Variants in CUBN observed in about 807,000 individuals in gnomAD.
CUBN encodes the protein 460 kDa receptor.
A neutral mutation model predicts 405.3 loss-of-function variants in CUBN; 282 were observed. The observed-to-expected ratio is 0.70, with a 90% CI of 0.63 to 0.77. The LOEUF (loss-of-function observed/expected upper bound fraction) is 0.77, where lower values mean the gene tolerates loss of function less well. Ranked by LOEUF, CUBN falls within the 30% of genes least tolerant of loss-of-function variation. CUBN has a pLI of 0.00. For missense variants in CUBN, 4,514 were observed against 4,475.2 expected (o/e 1.01, Z -0.25); for synonymous variants, 1,684 against 1,617.0 (o/e 1.04, Z -0.99).
chr10:17,114,259 A>C, intron 7 of CUBN, 70 bp from the exon 8 acceptor site: 1 of 1,479,926 alleles, frequency 6.8e-7, no homozygotes, highest in South Asian at 1.2e-5. Context: ...TGAACATTTC[A>C]TCAAGCCCCT....
intron 34 of CUBN, among the ~76,000 whole-genome samples, chr10:16,949,211 C>T (rs190218341): frequency 6.6e-6 from 1 of 152,158 alleles, no homozygotes; most frequent in Admixed American, 6.5e-5. Flanking sequence ...TACCCTTATC[C>T]TTGGTCAAAT....
chr10:17,029,907 G>A (rs1253288401), intron 27 of CUBN, among the ~76,000 whole-genome samples: 1 of 152,196 alleles, frequency 6.6e-6, no homozygotes, highest in Non-Finnish European at 1.5e-5. Context: ...GCCAATTGAT[G>A]TTAATTACAA....
At chr10:16,957,341 C>T (rs1335983266) in intron 31 of CUBN, among the ~76,000 whole-genome samples, 1 of 152,132 alleles carries the variant, frequency 6.6e-6, no homozygotes, top group East Asian at 1.9e-4. Flanking sequence ...CCTTCAGGCT[C>T]ATCCATGATG....
At position 17,019,875 on chromosome 10, in the gene CUBN, C is replaced by T; in HGVS notation, c.4126G>A (p.Gly1376Ser). Residue 1376 changes from glycine (G) to serine (S), a missense_variant, in exon 28 of 67, where the codon GGC (glycine) becomes AGC (serine). Transcript: ENST00000377833. ...LQVLLLTDGVGRREKGFQMQW... is the reference protein window; with the variant it reads ...LQVLLLTDGVSRREKGFQMQW... ...ATCTGAAATCCTTTCTCACGGCGGC[C>T]AACCCCATCTGTAAGGAGCAGCACT... is the stretch of plus-strand genomic sequence containing the variant. 1 of 1,614,138 alleles carries T rather than the reference C, an allele frequency of 6.2e-7. No homozygotes were observed.
At chr10:16,916,868 G>A (rs527791476) in intron 45 of CUBN, among the ~76,000 whole-genome samples, 50 of 146,972 alleles carry the variant, frequency 3.4e-4, no homozygotes, top group African/African-American at 1.1e-3. Flanking sequence ...AGCCTAGAGT[G>A]CAGTGGCGCA....
At chr10:16,979,269 A>G (rs1833193106) in intron 31 of CUBN, among the ~76,000 whole-genome samples, 1 of 152,258 alleles carries the variant, frequency 6.6e-6, no homozygotes, top group Non-Finnish European at 1.5e-5. Flanking sequence ...CATAATGTCC[A>G]AAGTAATTTA....
Position 16,901,323 on chromosome 10 carries a change from G to A in CUBN, c.8184+15C>T. ...TATTGTCTCAGAAGCATTTCACCCA[G>A]TCATTAGCACTCACAGTGATGGTGT... On this transcript the variant is annotated intron_variant, in intron 52 of 66. Coordinates refer to ENST00000377833, the MANE Select transcript of CUBN (RefSeq NM_001081.4). The A allele has an allele frequency of 6.2e-7, 1 of 1,614,082 alleles. No individual in the cohort carries two copies. Among genetic ancestry groups the A allele is most frequent in the Non-Finnish European group, 8.5e-7 (1 of 1,179,960 alleles).
intron 22 of CUBN, among the ~76,000 whole-genome samples, chr10:17,060,265 G>C (rs1835475880): frequency 6.6e-6 from 1 of 152,046 alleles, no homozygotes. Flanking sequence ...GGGATTACAG[G>C]CATGAGCCAC....
At chr10:16,921,679 A>G (rs1347412674) in intron 43 of CUBN, among the ~76,000 whole-genome samples, 1 of 152,144 alleles carries the variant, frequency 6.6e-6, no homozygotes, top group Non-Finnish European at 1.5e-5. Flanking sequence ...CCTTGGGCGC[A>G]TCTCTCCAGG....
intron 10 of CUBN, among the ~76,000 whole-genome samples, chr10:17,107,571 C>A (rs188687623): frequency 0.01 from 1,546 of 149,466 alleles, 24 homozygotes; most frequent in Non-Finnish European, 0.012. Flanking sequence ...GATCTCAGCT[C>A]ACTGTAAGCT....
intron 31 of CUBN, among the ~76,000 whole-genome samples, chr10:16,973,185 A>G (rs1400991591): frequency 1.3e-5 from 2 of 152,038 alleles, no homozygotes; most frequent in East Asian, 1.9e-4. Flanking sequence ...CTCATTTTTT[A>G]TTCCCAAATG....
intron 27 of CUBN, among the ~76,000 whole-genome samples, chr10:17,020,414 G>T (rs560680992): frequency 6.6e-6 from 1 of 152,228 alleles, no homozygotes; most frequent in African/African-American, 2.4e-5. Flanking sequence ...TAGGGTACAT[G>T]AGATACTTTG....
In CUBN at chr10:17,049,669, A is replaced by G. The variant is rs149275911; in HGVS notation, c.3140-2066T>C. 6.8e-3 allele frequency among the ~76,000 whole-genome samples: 1,036 copies of G among 152,238 alleles called. 15 individuals carry two copies. Among genetic ancestry groups the G allele is most frequent in the African/African-American group, 0.023 (959 of 41,528 alleles). Reference sequence around the variant, plus strand: ...AAACTACAGTTCTTGATGTGTTCCAATGATATTTACACCATTCACTTTGTC... The same window carrying G: ...AAACTACAGTTCTTGATGTGTTCCAGTGATATTTACACCATTCACTTTGTC... On this transcript the variant is annotated intron_variant, in intron 22 of 66. Transcript: ENST00000377833.
At chr10:16,854,214 A>G (rs373377422) in intron 59 of CUBN, among the ~76,000 whole-genome samples, 2 of 152,324 alleles carry the variant, frequency 1.3e-5, no homozygotes, top group East Asian at 3.9e-4. Flanking sequence ...CTCTTGATCC[A>G]AGGCTAAATG....
rs1835453349 is a variant in CUBN at position 17,059,129 on chromosome 10, T to C, written c.3139+6379A>G. 1.3e-5 allele frequency among the ~76,000 whole-genome samples: 2 copies of C among 148,292 alleles called. 1 individual carries two copies. Among genetic ancestry groups the C allele is most frequent in the Non-Finnish European group, 3.0e-5 (2 of 66,766 alleles). ...TCTGACCAACCTCAAAAAAAAAAAA[T>C]GTAAAGAAAGAAATGAAAAAACATA... On this transcript the variant is annotated intron_variant, in intron 22 of 66. Coordinates refer to ENST00000377833, the MANE Select transcript of CUBN (RefSeq NM_001081.4).
At chr10:16,972,006 G>C (rs1295762754) in intron 31 of CUBN, among the ~76,000 whole-genome samples, 1 of 152,074 alleles carries the variant, frequency 6.6e-6, no homozygotes, top group Non-Finnish European at 1.5e-5. Flanking sequence ...GAATCCAGGG[G>C]CTTTGTTGCA....
At chr10:16,933,493 G>A (rs905319936) in intron 39 of CUBN, among the ~76,000 whole-genome samples, 2 of 152,108 alleles carry the variant, frequency 1.3e-5, no homozygotes, top group African/African-American at 2.4e-5. Flanking sequence ...AAAATGCATT[G>A]TGTTCTCCAT....
At chr10:17,008,239 G>T (rs7097464) in intron 28 of CUBN, among the ~76,000 whole-genome samples, 3,101 of 30,728 alleles carry the variant, frequency 0.1, 36 homozygotes, top group Non-Finnish European at 0.13. Context: ...CCCGTGTGTG[G>T]TGTGTGTGTG....
intron 29 of CUBN, among the ~76,000 whole-genome samples, chr10:16,985,272 G>C (rs1228118379): frequency 1.3e-5 from 2 of 152,218 alleles, no homozygotes; most frequent in African/African-American, 2.4e-5. Flanking sequence ...AGGAGGAGAA[G>C]AACAACGTGG....
Sources: allele counts gnomAD v4.1 joint callset (sites outside exome capture counted in the v4.1 genomes callset), GRCh38; gene constraint gnomAD v4.1.1; transcripts MANE v1.5; gene names NCBI Gene and HGNC (gene_info 2026-07-23, HGNC 2026-07-21).